Variants in TNFSF4 observed in about 807,000 individuals in gnomAD.
TNFSF4 encodes the protein TNF superfamily member 4.
In TNFSF4, 4 loss-of-function variants were observed where a neutral mutation model predicts 7.3. That is an observed-to-expected ratio of 0.55 (90% CI 0.27 to 1.25). The LOEUF is 1.25. Among genes scored for constraint, TNFSF4 ranks in the 50% most tolerant of loss-of-function variants. TNFSF4 has a pLI of 0.12. For missense variants in TNFSF4, 181 were observed against 208.8 expected (o/e 0.87, Z 0.82); for synonymous variants, 76 against 83.7 (o/e 0.91, Z 0.50).
the TNFSF4 span, among the ~76,000 whole-genome samples, chr1:173,401,443 T>C: frequency 6.6e-6 from 1 of 152,170 alleles, no homozygotes; most frequent in African/African-American, 2.4e-5. Flanking sequence ...GAAATGGGTG[T>C]TTGGATCTAC....
intron 1 of TNFSF4, 97 bp from the exon 2 acceptor site, chr1:173,188,666 G>A (rs1348449463): frequency 3.0e-6 from 3 of 1,010,694 alleles, no homozygotes; most frequent in Non-Finnish European, 4.6e-6. Flanking sequence ...AAATGCAGTA[G>A]CCTGTAGAGA....
chr1:173,233,842 C>A, the TNFSF4 span, among the ~76,000 whole-genome samples: 1 of 152,100 alleles, frequency 6.6e-6, no homozygotes, highest in East Asian at 1.9e-4. Flanking sequence ...ACCATAAAAA[C>A]CCTAGAAGAA....
chr1:173,410,852 C>A, the TNFSF4 span, among the ~76,000 whole-genome samples: 1 of 152,286 alleles, frequency 6.6e-6, no homozygotes, highest in East Asian at 1.9e-4. Flanking sequence ...GCTTTAAACC[C>A]CAACTTTCCA....
downstream of TNFSF4, among the ~76,000 whole-genome samples, chr1:173,178,865 A>G (rs1447067373): frequency 6.6e-6 from 1 of 152,180 alleles, no homozygotes; most frequent in East Asian, 1.9e-4. Context: ...CCTAAATGTA[A>G]CCATTTTTTA....
chr1:173,212,292 G>A (rs1417407148), upstream of TNFSF4, among the ~76,000 whole-genome samples: 3 of 152,140 alleles, frequency 2.0e-5, no homozygotes, highest in African/African-American at 7.2e-5. Context: ...ATAAGGCTTG[G>A]AGGGGACAAA....
At chr1:173,404,366 CAG>C in the TNFSF4 span, among the ~76,000 whole-genome samples, 1 of 152,204 alleles carries the variant, frequency 6.6e-6, no homozygotes, top group African/African-American at 2.4e-5. Context: ...GGGAGTAACT[CAG>C]AGCAGCAGCC....
chr1:173,306,424 G>C, the TNFSF4 span, among the ~76,000 whole-genome samples: 2 of 151,892 alleles, frequency 1.3e-5, no homozygotes, highest in Admixed American at 1.3e-4. Context: ...GGGCCCCTCA[G>C]GGACTGGAGT....
chr1:173,306,677 T>C, the TNFSF4 span, among the ~76,000 whole-genome samples: 55 of 151,886 alleles, frequency 3.6e-4, 1 homozygote, highest in Non-Finnish European at 1.2e-4. Context: ...ACTTACACAT[T>C]CCCTTTATCC....
the TNFSF4 span, among the ~76,000 whole-genome samples, chr1:173,244,418 G>A: frequency 5.9e-5 from 9 of 151,986 alleles, no homozygotes; most frequent in South Asian, 8.3e-4. Flanking sequence ...CGAGGTGGGC[G>A]GATCACGAGG....
chr1:173,446,048 C>A, the TNFSF4 span, among the ~76,000 whole-genome samples: 7 of 151,924 alleles, frequency 4.6e-5, no homozygotes, highest in Non-Finnish European at 8.8e-5. Flanking sequence ...GTCCAGGATA[C>A]AATCTAAAAT....
At chr1:173,295,256 GCAAA>G in the TNFSF4 span, among the ~76,000 whole-genome samples, 1 of 151,892 alleles carries the variant, frequency 6.6e-6, no homozygotes, top group African/African-American at 2.4e-5. Context: ...CAGGAGAAAT[GCAAA>G]CACATTTTCA....
the TNFSF4 span, among the ~76,000 whole-genome samples, chr1:173,314,996 G>C: frequency 6.6e-6 from 1 of 152,146 alleles, no homozygotes; most frequent in Non-Finnish European, 1.5e-5. Context: ...ACTCAAAGGA[G>C]AGAGAGGTCA....
the TNFSF4 span, among the ~76,000 whole-genome samples, chr1:173,409,377 T>C: frequency 6.6e-6 from 1 of 152,248 alleles, no homozygotes; most frequent in East Asian, 1.9e-4. Flanking sequence ...AATGTATTAA[T>C]GTTATTAATA....
At chr1:173,413,333 A>G in the TNFSF4 span, among the ~76,000 whole-genome samples, 4 of 152,114 alleles carry the variant, frequency 2.6e-5, no homozygotes, top group Non-Finnish European at 4.4e-5. Flanking sequence ...GGGGTTCTGA[A>G]AGGTTTCCCT....
the TNFSF4 span, among the ~76,000 whole-genome samples, chr1:173,343,918 C>G: frequency 6.6e-6 from 1 of 152,130 alleles, no homozygotes; most frequent in Non-Finnish European, 1.5e-5. Context: ...TAAAAAGGAA[C>G]AGACAGGTGT....
the TNFSF4 span, among the ~76,000 whole-genome samples, chr1:173,237,005 T>C: frequency 6.6e-6 from 1 of 152,230 alleles, no homozygotes; most frequent in African/African-American, 2.4e-5. Context: ...AATTGAATCA[T>C]AGGGGTGATT....
chr1:173,177,421 A>C, the TNFSF4 span, among the ~76,000 whole-genome samples: 1 of 152,202 alleles, frequency 6.6e-6, no homozygotes, highest in Non-Finnish European at 1.5e-5. Flanking sequence ...AGAAGGAAAC[A>C]ACAGACACCG....
the TNFSF4 span, among the ~76,000 whole-genome samples, chr1:173,437,788 A>G: frequency 9.9e-5 from 15 of 152,186 alleles, no homozygotes; most frequent in Admixed American, 9.2e-4. Flanking sequence ...CTGTGGGTTT[A>G]TAATACATAT....
chr1:173,227,723 G>A, the TNFSF4 span, among the ~76,000 whole-genome samples: 40 of 152,294 alleles, frequency 2.6e-4, no homozygotes, highest in African/African-American at 7.7e-4. Context: ...CTGGAAAATC[G>A]GGTCACTCCC....
Sources: allele counts gnomAD v4.1 joint callset (sites outside exome capture counted in the v4.1 genomes callset), GRCh38; gene constraint gnomAD v4.1.1; transcripts MANE v1.5; gene names NCBI Gene and HGNC (gene_info 2026-07-23, HGNC 2026-07-21).